Variants in HNRNPR observed in about 807,000 individuals in gnomAD.
HNRNPR encodes heterogeneous nuclear ribonucleoprotein R.
A neutral mutation model predicts 70.3 loss-of-function variants in HNRNPR; 4 were observed. That is an observed-to-expected ratio of 0.06 (90% confidence interval 0.03 to 0.13). The LOEUF is 0.13. Ranked by LOEUF, HNRNPR falls within the 10% of genes least tolerant of loss-of-function variation. HNRNPR has a pLI of 1.00. For synonymous variants in HNRNPR, 241 were observed against 267.6 expected (o/e 0.90, Z 0.97); for missense variants, 423 against 788.5 (o/e 0.54, Z 5.55).
chr1:23,338,764 A>C (rs1008889145), intron 2 of HNRNPR, among the ~76,000 whole-genome samples, 156 bp from the exon 3 acceptor site: 2 of 152,224 alleles, frequency 1.3e-5, no homozygotes, highest in African/African-American at 4.8e-5. Context: ...CAAATACTAC[A>C]TAGAAAGGTC....
chr1:23,335,732 A>G (rs1646446821), intron 4 of HNRNPR, among the ~76,000 whole-genome samples: 1 of 152,222 alleles, frequency 6.6e-6, no homozygotes, highest in Non-Finnish European at 1.5e-5. Flanking sequence ...CACTGATTCT[A>G]CATTATGGTG....
At chr1:23,326,039 G>A (rs1645959781) in intron 5 of HNRNPR, among the ~76,000 whole-genome samples, 1 of 151,982 alleles carries the variant, frequency 6.6e-6, no homozygotes, top group South Asian at 2.1e-4. Context: ...ATCTGGGGGT[G>A]GCGGTTGGGG....
chr1:23,335,243 GAAC>G (rs1411436901), intron 4 of HNRNPR, among the ~76,000 whole-genome samples: 2 of 152,216 alleles, frequency 1.3e-5, no homozygotes, highest in African/African-American at 2.4e-5. Flanking sequence ...CACAATGTCA[GAAC>G]AATAAGAGAC....
intron 4 of HNRNPR, 126 bp downstream of exon 4, chr1:23,337,628 C>A (rs1646549691): frequency 3.2e-6 from 2 of 615,476 alleles, no homozygotes; most frequent in East Asian, 5.7e-5. Context: ...CTACTCCAGC[C>A]TGGGCGACAG....
intron 8 of HNRNPR, among the ~76,000 whole-genome samples, chr1:23,316,289 C>A (rs1645543293): frequency 6.6e-6 from 1 of 152,102 alleles, no homozygotes; most frequent in African/African-American, 2.4e-5. Flanking sequence ...GCACTCCAGC[C>A]TGGGCAACAT....
Position 23,306,338 on chromosome 1 carries a change from T to C in HNRNPR, c.*4116A>G, listed in dbSNP as rs1645201888. ...CAAGGCTGACATAATTGCCCACTTA[T>C]AGGATATGGGCATTCTCCCACACTT... On this transcript the variant is annotated 3_prime_UTR_variant, in exon 11 of 11. Coordinates refer to ENST00000302271, the MANE Select transcript of HNRNPR (RefSeq NM_005826.5). 6.6e-6 allele frequency: 1 copy of C among 151,802 alleles called. No homozygotes were observed. Among genetic ancestry groups the C allele is most frequent in the African/African-American group, 2.4e-5 (1 of 41,286 alleles). The allele number at this position is 151,802 out of a possible 1,614,324, so 9.4% of individuals were successfully genotyped here.
chr1:23,325,919 G>T (rs1645955238), intron 5 of HNRNPR, among the ~76,000 whole-genome samples: 1 of 152,120 alleles, frequency 6.6e-6, no homozygotes, highest in Non-Finnish European at 1.5e-5. Context: ...GCAGCGCAGT[G>T]GCATGATCAT....
At position 23,310,297 on chromosome 1, in the gene HNRNPR, A is replaced by G. The variant is rs1645280195; in HGVS notation, c.*157T>C. On this transcript the variant is annotated 3_prime_UTR_variant, in exon 11 of 11. Coordinates refer to ENST00000302271, the MANE Select transcript of HNRNPR (RefSeq NM_005826.5). This position sits in a 1 kb window ranked among gnomAD's most constrained non-coding sequence, Gnocchi z 6.0. Reference sequence around the variant, plus strand: ...TTATGAAAAGAGGAAAAATAAAAAGACTTGAGTATATACACAATAGTGATT... The same window carrying G: ...TTATGAAAAGAGGAAAAATAAAAAGGCTTGAGTATATACACAATAGTGATT... The G allele has an allele frequency of 1.5e-6, 1 of 647,810 alleles. No homozygotes were observed. The highest frequency in any genetic ancestry group is 1.8e-5 in the African/African-American group (1 of 54,078). The allele number at this position is 647,810 out of a possible 1,614,324, so 40.1% of individuals were successfully genotyped here. A position where few individuals can be genotyped will look rare whatever the true frequency, so the allele number is the denominator to read the frequency against.
At position 23,308,191 on chromosome 1, in the gene HNRNPR, G is replaced by T. The variant is rs573267117; in HGVS notation, c.*2263C>A. ...AAATATATTTTTAATTAGTGAAAAG[G>T]ACAGAGGAGGAGGTGGCCACTTTAA... On this transcript the variant is annotated 3_prime_UTR_variant, in exon 11 of 11. Transcript: ENST00000302271. 3.3e-5 allele frequency: 5 copies of T among 152,120 alleles called. No homozygotes were observed. In the East Asian group the frequency reaches 9.6e-4, roughly 29 times the overall value. 9.4% of individuals were successfully genotyped at this position (152,120 alleles called of 1,614,324 possible).
rs1441268561 is a variant in HNRNPR, at chr1:23,310,162, T to G, written c.*292A>C. ...ACCAAAGGTTCTGCAAAATCATGAT[T>G]TAACAGTGTGCCCAGCTTGTTTTGA... On this transcript the variant is annotated 3_prime_UTR_variant, in exon 11 of 11. Transcript: ENST00000302271. The surrounding 1 kb of genome is among the most constrained non-coding windows in gnomAD (Gnocchi z 6.0). 1.6e-5 allele frequency: 4 copies of G among 249,164 alleles called. No individual in the cohort carries two copies. Among genetic ancestry groups the G allele is most frequent in the Middle Eastern group, 1.3e-3 (1 of 764 alleles). The allele number at this position is 249,164 out of a possible 1,614,324, so 15.4% of individuals were successfully genotyped here. A position where few individuals can be genotyped will look rare whatever the true frequency, so the allele number is the denominator to read the frequency against.
At chr1:23,320,824 T>A (rs191223794) in intron 7 of HNRNPR, among the ~76,000 whole-genome samples, 22 of 152,370 alleles carry the variant, frequency 1.4e-4, no homozygotes, top group African/African-American at 4.8e-4. Context: ...AACTGTGATA[T>A]AAAATCTACT....
chr1:23,326,630 CA>C (rs1390457568), intron 5 of HNRNPR, among the ~76,000 whole-genome samples: 2 of 152,002 alleles, frequency 1.3e-5, no homozygotes, highest in Non-Finnish European at 2.9e-5. Context: ...ACTAAAAATA[CA>C]AAAATTGGCC....
intron 2 of HNRNPR, among the ~76,000 whole-genome samples, chr1:23,339,906 T>C (rs893341721): frequency 6.6e-6 from 1 of 152,200 alleles, no homozygotes; most frequent in African/African-American, 2.4e-5. Context: ...CAATTCTCTA[T>C]GGCAGAATGT....
chr1:23,307,027 T>C lies in HNRNPR; in HGVS notation c.*3427A>G, dbSNP rs182860374. On this transcript the variant is annotated 3_prime_UTR_variant, in exon 11 of 11. Transcript: ENST00000302271. ...TCACTTAAGAGATTCCACATAATAATTGTCCACATAATAATGGACTACACT... is the reference window on the plus strand; with the variant it reads ...TCACTTAAGAGATTCCACATAATAACTGTCCACATAATAATGGACTACACT... 4.7e-3 allele frequency: 715 copies of C among 152,294 alleles called. 9 individuals carry two copies. Among genetic ancestry groups the C allele is most frequent in the African/African-American group, 0.016 (652 of 41,572 alleles). 9.4% of individuals were successfully genotyped at this position (152,294 alleles called of 1,614,324 possible). A position where few individuals can be genotyped will look rare whatever the true frequency, so the allele number is the denominator to read the frequency against.
chr1:23,316,756 A>G (rs1645562074), intron 8 of HNRNPR, among the ~76,000 whole-genome samples: 1 of 152,220 alleles, frequency 6.6e-6, no homozygotes, highest in Non-Finnish European at 1.5e-5. Flanking sequence ...TAGTTGTATT[A>G]GGAGAAGAAA....
intron 8 of HNRNPR, among the ~76,000 whole-genome samples, chr1:23,316,820 T>A (rs1207569761): frequency 6.6e-6 from 1 of 152,154 alleles, no homozygotes; most frequent in Non-Finnish European, 1.5e-5. Context: ...CTCAGAGCTA[T>A]TTAAATTCTC....
At chr1:23,313,821 G>C in intron 8 of HNRNPR, 119 bp from the exon 9 acceptor site, 5 of 1,097,938 alleles carry the variant, frequency 4.6e-6, no homozygotes, top group Non-Finnish European at 6.4e-6. Flanking sequence ...TAAAAGTGTT[G>C]TTACAGGTAG....
At chr1:23,323,011 A>C (rs1248659577) in intron 6 of HNRNPR, among the ~76,000 whole-genome samples, 1 of 152,230 alleles carries the variant, frequency 6.6e-6, no homozygotes, top group Non-Finnish European at 1.5e-5. Context: ...AGAGGAGAGA[A>C]AGATTAAAGA....
chr1:23,331,465 T>C (rs1435129306), intron 5 of HNRNPR, among the ~76,000 whole-genome samples: 3 of 150,258 alleles, frequency 2.0e-5, no homozygotes, highest in Non-Finnish European at 4.4e-5. Flanking sequence ...GCAGATCACC[T>C]GATGTCAGGA....
Sources: gnomAD v4.1 joint callset for allele counts (sites outside exome capture counted in the v4.1 genomes callset) on GRCh38, gnomAD v4.1.1 for gene constraint, Gnocchi (gnomAD v3.1) non-coding constraint, MANE v1.5 for transcripts, NCBI Gene and HGNC (gene_info 2026-07-23, HGNC 2026-07-21) for gene names.